The following EVC variants were observed in gnomAD, a reference collection of about 807,000 sequenced individuals.
EVC encodes EvC ciliary complex subunit 1.
Under a neutral mutation model 118.9 loss-of-function variants are expected in EVC, and 116 were observed. The observed-to-expected ratio is 0.98, with a 90% CI of 0.84 to 1.14. The LOEUF (loss-of-function observed/expected upper bound fraction) is 1.14, where lower values mean the gene tolerates loss of function less well. Ranked by LOEUF, EVC falls within the 50% of genes most tolerant of loss-of-function variation. The pLI, the probability that EVC is intolerant of heterozygous loss-of-function variation, is 0.00. For synonymous variants in EVC, 619 were observed against 534.7 expected (o/e 1.16, Z -2.18); for missense variants, 1,401 against 1,246.4 (o/e 1.12, Z -1.87).
At chr4:5,736,668 TG>T (rs1727742837) in intron 5 of EVC, among the ~76,000 whole-genome samples, 1 of 152,228 alleles carries the variant, frequency 6.6e-6, no homozygotes, top group Non-Finnish European at 1.5e-5. Flanking sequence ...TATTGTGTTA[TG>T]GTGATCTGTG....
chr4:5,725,129 A>T (rs567946351), intron 2 of EVC, among the ~76,000 whole-genome samples: 1 of 152,240 alleles, frequency 6.6e-6, no homozygotes, highest in African/African-American at 2.4e-5. Context: ...TCTATCAGTG[A>T]TGGGCTTTTG....
the EVC span, among the ~76,000 whole-genome samples, chr4:5,819,952 G>T: frequency 6.6e-6 from 1 of 152,154 alleles, no homozygotes; most frequent in South Asian, 2.1e-4. Flanking sequence ...GAAAAGCCCT[G>T]CGTTGATGTG....
chr4:5,818,361 A>G (rs1360811107), downstream of EVC, among the ~76,000 whole-genome samples: 3 of 152,166 alleles, frequency 2.0e-5, no homozygotes, highest in African/African-American at 7.2e-5. Flanking sequence ...GAGGGGCCAG[A>G]ACCACCCCTT....
chr4:5,794,055 A>C (rs547237426), intron 13 of EVC, among the ~76,000 whole-genome samples: 1 of 151,874 alleles, frequency 6.6e-6, no homozygotes, highest in South Asian at 2.1e-4. Flanking sequence ...CTATCACCCC[A>C]AAAATTGCTA....
intron 11 of EVC, among the ~76,000 whole-genome samples, chr4:5,777,916 A>T (rs1426240461): frequency 6.6e-6 from 1 of 152,012 alleles, no homozygotes. Flanking sequence ...GATACATGTG[A>T]CATGCTGGTG....
At chr4:5,765,361 G>GA (rs1169446200) in intron 11 of EVC, among the ~76,000 whole-genome samples, 2 of 113,682 alleles carry the variant, frequency 1.8e-5, no homozygotes, top group African/African-American at 6.9e-5. Context: ...GTGTGGTGCT[G>GA]AAAAAAATGT....
chr4:5,797,852 TG>T, intron 14 of EVC, among the ~76,000 whole-genome samples: 1 of 152,246 alleles, frequency 6.6e-6, no homozygotes, highest in Middle Eastern at 3.4e-3. Flanking sequence ...CAGTTGTCAT[TG>T]GGGGTATGGT....
chr4:5,748,437 A>G, intron 8 of EVC, 131 bp downstream of exon 8: 2 of 847,096 alleles, frequency 2.4e-6, no homozygotes, highest in Non-Finnish European at 1.8e-6. Context: ...GGAAAAAAAA[A>G]CCAACAACAA....
intron 6 of EVC, among the ~76,000 whole-genome samples, chr4:5,744,766 G>C (rs1431467816): frequency 6.6e-6 from 1 of 152,100 alleles, no homozygotes; most frequent in Non-Finnish European, 1.5e-5. Context: ...TCACAAACAG[G>C]AAGAGGCTGG....
At chr4:5,771,082 G>C (rs796978607) in intron 11 of EVC, among the ~76,000 whole-genome samples, 1 of 151,858 alleles carries the variant, frequency 6.6e-6, no homozygotes, top group South Asian at 2.1e-4. Context: ...TGTCATATTA[G>C]GTATTAGTTT....
At position 5,798,392 on chromosome 4, in the gene EVC, GACACAGACACCTA is replaced by G. The variant is rs1714363353; in HGVS notation, c.2098-190_2098-178del. Among the ~76,000 whole-genome samples the G allele has an allele frequency of 6.6e-6, 1 of 152,198 alleles. No homozygotes were observed. Among genetic ancestry groups the G allele is most frequent in the East Asian group, 1.9e-4 (1 of 5,164 alleles). On this transcript the variant is annotated intron_variant, in intron 14 of 20. Coordinates refer to ENST00000264956, the MANE Select transcript of EVC (RefSeq NM_153717.3). The surrounding 1 kb of genome is among the most constrained non-coding windows in gnomAD (Gnocchi z 4.1). ...GCTCAATAAATGCCCTTTTTCTGGGGACACAGACACCTAACAGACACCTAACCTCATCCATTGA... is the reference window on the plus strand; with the variant it reads ...GCTCAATAAATGCCCTTTTTCTGGGGACAGACACCTAACCTCATCCATTGA...
chr4:5,778,343 G>C (rs1735044255), intron 11 of EVC, among the ~76,000 whole-genome samples: 1 of 151,930 alleles, frequency 6.6e-6, no homozygotes, highest in Non-Finnish European at 1.5e-5. Context: ...TAGTCCTTTG[G>C]GTATATACCC....
Position 5,731,693 on chromosome 4 carries a change from G to T in EVC, c.617+36G>T, listed in dbSNP as rs539061761. The T allele has an allele frequency of 6.4e-7, 1 of 1,573,028 alleles. No individual in the cohort carries two copies. Among genetic ancestry groups the T allele is most frequent in the African/African-American group, 1.3e-5 (1 of 74,126 alleles). ...CGGGCAATGGAGGATGAGGCTTCCA[G>T]TCCTCTTGGAGTGGGCCGGGAGTCA... On this transcript the variant is annotated intron_variant, in intron 4 of 20. Coordinates refer to ENST00000264956, the MANE Select transcript of EVC (RefSeq NM_153717.3). The surrounding 1 kb of genome is among the most constrained non-coding windows in gnomAD (Gnocchi z 5.6).
the EVC span, among the ~76,000 whole-genome samples, chr4:5,828,939 G>A: frequency 1.8e-5 from 2 of 112,010 alleles, no homozygotes; most frequent in African/African-American, 5.9e-5. Context: ...GGGGTCCCCC[G>A]GGGTTATGCA....
At chr4:5,760,914 C>T (rs1319396773) in intron 11 of EVC, among the ~76,000 whole-genome samples, 1 of 152,188 alleles carries the variant, frequency 6.6e-6, no homozygotes, top group Non-Finnish European at 1.5e-5. Flanking sequence ...CTTAGATTTA[C>T]TTTGCCATTT....
rs186599074 is a variant in EVC, at chr4:5,811,324, C to T, written c.*287C>T. On this transcript the variant is annotated 3_prime_UTR_variant, in exon 21 of 21. Transcript: ENST00000264956. ...ATGGATCTTTCTCCCCAAGGAGGGACGTCTTGAGGGGTCCGAGCCTCAGGC... is the reference window on the plus strand; with the variant it reads ...ATGGATCTTTCTCCCCAAGGAGGGATGTCTTGAGGGGTCCGAGCCTCAGGC... 7.8e-5 allele frequency: 33 copies of T among 425,620 alleles called. No individual in the cohort carries two copies. Among genetic ancestry groups the T allele is most frequent in the Middle Eastern group, 7.2e-4 (1 of 1,396 alleles). The allele number at this position is 425,620 out of a possible 1,614,324, so 26.4% of individuals were successfully genotyped here.
At chr4:5,713,165 T>C (rs764815622) in intron 1 of EVC, among the ~76,000 whole-genome samples, 3 of 152,200 alleles carry the variant, frequency 2.0e-5, no homozygotes, top group Non-Finnish European at 4.4e-5. Context: ...TTGAGGGTGA[T>C]GGTGGCTCAG....
intron 17 of EVC, among the ~76,000 whole-genome samples, chr4:5,807,799 C>A (rs1041849377): frequency 2.0e-5 from 3 of 152,220 alleles, no homozygotes; most frequent in Non-Finnish European, 2.9e-5. Context: ...GAGAATGCTC[C>A]TCCCTGGGGA....
At chr4:5,794,997 G>A (rs1201806700) in intron 13 of EVC, among the ~76,000 whole-genome samples, 2 of 152,130 alleles carry the variant, frequency 1.3e-5, no homozygotes, top group African/African-American at 4.8e-5. Context: ...TTGGTTTTCT[G>A]TGTCTACATT....
Sources: allele counts gnomAD v4.1 joint callset (sites outside exome capture counted in the v4.1 genomes callset), GRCh38; gene constraint gnomAD v4.1.1; non-coding constraint Gnocchi (gnomAD v3.1); transcripts MANE v1.5; gene names NCBI Gene and HGNC (gene_info 2026-07-23, HGNC 2026-07-21).